ARAP1: variants seen among roughly 807,000 people sequenced by gnomAD.
The protein encoded by ARAP1 is arf-GAP with Rho-GAP domain, ANK repeat and PH domain-containing protein 1.
A neutral mutation model predicts 172.2 loss-of-function variants in ARAP1; 76 were observed. That is an observed-to-expected ratio of 0.44 (90% confidence interval 0.37 to 0.53). ARAP1 has a LOEUF of 0.53. Among genes scored for constraint, ARAP1 ranks in the 20% least tolerant of loss-of-function variants. The probability of loss-of-function intolerance (pLI) is 0.00; values close to 1 mark genes in which losing one functional copy is unlikely to be tolerated. For missense variants in ARAP1, 1,686 were observed against 1,977.5 expected, an observed-to-expected ratio of 0.85 and a Z score of 2.80; for synonymous variants, 804 against 803.3, an observed-to-expected ratio of 1.00 and a Z score of -0.01.
At chr11:72,690,747 A>G (rs1271675284) in intron 30 of ARAP1, among the ~76,000 whole-genome samples, 1 of 152,198 alleles carries the variant, frequency 6.6e-6, no homozygotes, top group African/African-American at 2.4e-5. Context: ...TGGGCAGACA[A>G]TGACGTTTAC....
At chr11:72,737,326 C>T (rs774990316) in intron 1 of ARAP1, among the ~76,000 whole-genome samples, 13 of 152,318 alleles carry the variant, frequency 8.5e-5, no homozygotes, top group Middle Eastern at 3.4e-3. Context: ...TCCTTCTTCA[C>T]GTCTGGCTTG....
chr11:72,714,446 C>T lies in ARAP1; in HGVS notation c.510-125G>A, dbSNP rs1857186176. On this transcript the variant is annotated intron_variant, in intron 3 of 34. Coordinates refer to ENST00000393609, the MANE Select transcript of ARAP1 (RefSeq NM_001040118.3). ...TACACAAACTCACACAGACAGGAGCCCTCCTGCACACAGTCCTCCTCAACT... is the reference window on the plus strand; with the variant it reads ...TACACAAACTCACACAGACAGGAGCTCTCCTGCACACAGTCCTCCTCAACT... The T allele has an allele frequency of 3.7e-5, 35 of 936,638 alleles. 1 individual carries two copies. Among genetic ancestry groups the T allele is most frequent in the Non-Finnish European group, 5.4e-5 (34 of 632,564 alleles). 58.0% of individuals were successfully genotyped at this position (936,638 alleles called of 1,614,324 possible).
intron 3 of ARAP1, among the ~76,000 whole-genome samples, chr11:72,718,366 C>A (rs1857372264): frequency 6.6e-6 from 1 of 152,006 alleles, no homozygotes; most frequent in African/African-American, 2.4e-5. Flanking sequence ...CGCTCCAATC[C>A]CGAGGTCCAG....
rs12276972 is a variant in ARAP1 at position 72,693,913 on chromosome 11, A to C, written c.3695-108T>G. On this transcript the variant is annotated intron_variant, in intron 27 of 34. Transcript: ENST00000393609. The surrounding 1 kb of genome is among the most constrained non-coding windows in gnomAD (Gnocchi z 4.6). ...CACATCCCCTGTCCACTCCAACCATATGCAAGTGCCACGACACAAAACACC... is the reference window on the plus strand; with the variant it reads ...CACATCCCCTGTCCACTCCAACCATCTGCAAGTGCCACGACACAAAACACC... The C allele has an allele frequency of 0.89, 763,764 of 855,940 alleles. 342,801 individuals are homozygous for C. The highest frequency in any genetic ancestry group is 0.94 in the African/African-American group (54,843 of 58,572). The allele number at this position is 855,940 out of a possible 1,614,324, so 53.0% of individuals were successfully genotyped here. A position where few individuals can be genotyped will look rare whatever the true frequency, so the allele number is the denominator to read the frequency against.
intron 1 of ARAP1, among the ~76,000 whole-genome samples, chr11:72,745,434 G>C (rs1446068405): frequency 7.0e-6 from 1 of 143,876 alleles, no homozygotes; most frequent in Non-Finnish European, 1.5e-5. Context: ...TTGATCTCCT[G>C]ACCTTGTGAT....
intron 3 of ARAP1, chr11:72,721,903 C>T (rs1035251818): frequency 5.1e-5 from 50 of 985,768 alleles, no homozygotes; most frequent in Admixed American, 1.2e-4. Context: ...TCCGGCCAGG[C>T]GGGCTGCGTA....
chr11:72,727,230 A>C, intron 2 of ARAP1, 58 bp from the exon 3 acceptor site: 1 of 1,371,304 alleles, frequency 7.3e-7, no homozygotes, highest in Non-Finnish European at 9.7e-7. Flanking sequence ...TGGTCCCCTC[A>C]CCAGCAGCCT....
intron 13 of ARAP1, 51 bp from the exon 14 acceptor site, chr11:72,704,385 T>A: frequency 6.7e-7 from 1 of 1,490,236 alleles, no homozygotes; most frequent in Non-Finnish European, 8.9e-7. Context: ...CCAGGGGCCG[T>A]GCCGGGCAGA....
At chr11:72,707,125 G>A in intron 12 of ARAP1, 50 bp downstream of exon 12, 1 of 1,486,988 alleles carries the variant, frequency 6.7e-7, no homozygotes, top group South Asian at 1.3e-5. Flanking sequence ...CATCCCAACT[G>A]GCCAACCCCG....
chr11:72,745,182 CTT>C (rs902550014), intron 1 of ARAP1, among the ~76,000 whole-genome samples: 11 of 88,304 alleles, frequency 1.2e-4, no homozygotes, highest in Admixed American at 3.9e-4. Context: ...AAGTTTCTTT[CTT>C]TTTTTTTTTT....
At chr11:72,724,651 C>G (rs896465459) in intron 3 of ARAP1, among the ~76,000 whole-genome samples, 1 of 152,166 alleles carries the variant, frequency 6.6e-6, no homozygotes, top group Non-Finnish European at 1.5e-5. Context: ...AGACCATACA[C>G]TCTCTGAGTT....
chr11:72,748,766 C>G (rs1223847589), intron 1 of ARAP1, among the ~76,000 whole-genome samples: 2 of 152,208 alleles, frequency 1.3e-5, no homozygotes, highest in African/African-American at 4.8e-5. Context: ...GTGGGACTGT[C>G]CTCCTCAGAT....
intron 3 of ARAP1, chr11:72,721,960 T>G: frequency 4.1e-6 from 4 of 986,410 alleles, no homozygotes; most frequent in Non-Finnish European, 4.8e-6. Context: ...GGGTCCCGCC[T>G]GGGCTGGTCT....
intron 13 of ARAP1, chr11:72,705,445 T>G (rs1275420000): frequency 4.7e-6 from 1 of 213,614 alleles, no homozygotes; most frequent in Non-Finnish European, 9.4e-6. Context: ...TTTACACATC[T>G]ATTCAATGGA....
rs148697761 is a variant in ARAP1 at position 72,693,312 on chromosome 11, C to A, written c.3954+13G>T. ...GTGCCCACCCTGGGGCAGAACCCAGCGGGGCCACTTACCCGGACCTCCTTG... is the reference window on the plus strand; with the variant it reads ...GTGCCCACCCTGGGGCAGAACCCAGAGGGGCCACTTACCCGGACCTCCTTG... On this transcript the variant is annotated intron_variant, in intron 29 of 34. Transcript: ENST00000393609. The surrounding 1 kb of genome is among the most constrained non-coding windows in gnomAD (Gnocchi z 4.6). 1.5e-5 allele frequency: 24 copies of A among 1,612,244 alleles called. No homozygotes were observed. The African/African-American group carries it at 2.7e-4, about 18-fold the overall frequency.
In ARAP1 at chr11:72,741,607, C is replaced by T. The variant is rs962143220; in HGVS notation, c.-127-9010G>A. Among the ~76,000 whole-genome samples the T allele has an allele frequency of 1.2e-4, 18 of 152,284 alleles. No individual in the cohort carries two copies. Among genetic ancestry groups the T allele is most frequent in the African/African-American group, 3.1e-4 (13 of 41,552 alleles). Reference sequence around the variant, plus strand: ...GAAGATCCTCCTGTGACCACTGCCCCCAGCGGGAGCAGGAGGGGGACTCCG... The same window carrying T: ...GAAGATCCTCCTGTGACCACTGCCCTCAGCGGGAGCAGGAGGGGGACTCCG... On this transcript the variant is annotated intron_variant, in intron 1 of 34. Transcript: ENST00000393609. The surrounding 1 kb of genome is among the most constrained non-coding windows in gnomAD (Gnocchi z 4.5).
At chr11:72,739,502 G>A (rs1052855577) in intron 1 of ARAP1, among the ~76,000 whole-genome samples, 2 of 151,480 alleles carry the variant, frequency 1.3e-5, no homozygotes, top group African/African-American at 4.9e-5. Context: ...TCGGCTCCAG[G>A]CCTGGGCCCC....
intron 1 of ARAP1, among the ~76,000 whole-genome samples, chr11:72,733,227 G>A (rs1857916546): frequency 6.6e-6 from 1 of 152,152 alleles, no homozygotes; most frequent in Admixed American, 6.5e-5. Flanking sequence ...GACCAGTGCT[G>A]GGATGTGTGT....
At chr11:72,735,462 G>C (rs897683892) in intron 1 of ARAP1, among the ~76,000 whole-genome samples, 4 of 152,112 alleles carry the variant, frequency 2.6e-5, no homozygotes, top group Non-Finnish European at 5.9e-5. Context: ...TGGGCATGGT[G>C]GTGGGTGCCT....
Sources: allele counts gnomAD v4.1 joint callset (sites outside exome capture counted in the v4.1 genomes callset), GRCh38; gene constraint gnomAD v4.1.1; non-coding constraint Gnocchi (gnomAD v3.1); transcripts MANE v1.5; gene names NCBI Gene and HGNC (gene_info 2026-07-23, HGNC 2026-07-21).